Variants in ADAMTS18 observed in about 807,000 individuals in gnomAD.
The protein encoded by ADAMTS18 is A disintegrin and metalloproteinase with thrombospondin motifs 18.
ADAMTS18 carries 157 observed loss-of-function variants against 165.9 expected under a neutral mutation model. The observed-to-expected ratio is 0.95, with a 90% CI of 0.83 to 1.08. The LOEUF (loss-of-function observed/expected upper bound fraction) is 1.08, where lower values mean the gene tolerates loss of function less well. Among genes scored for constraint, ADAMTS18 ranks in the 50% least tolerant of loss-of-function variants. The pLI, the probability that ADAMTS18 is intolerant of heterozygous loss-of-function variation, is 0.00. For synonymous variants in ADAMTS18, 782 were observed against 578.2 expected (o/e 1.35, Z -5.06); for missense variants, 2,040 against 1,534.0 (o/e 1.33, Z -5.51).
At chr16:77,426,436 C>G (rs1323324741) in intron 3 of ADAMTS18, among the ~76,000 whole-genome samples, 1 of 152,136 alleles carries the variant, frequency 6.6e-6, no homozygotes. Context: ...ACATTTCTGA[C>G]TTGTCAATAT....
Position 77,285,967 on chromosome 16 carries a change from A to C in ADAMTS18, c.3551-1896T>G, listed in dbSNP as rs552439643. Among the ~76,000 whole-genome samples, 12 of 152,256 alleles carry C rather than the reference A, an allele frequency of 7.9e-5. No individual in the cohort carries two copies. In the South Asian group the frequency reaches 2.5e-3, roughly 32 times the overall value. The stretch of plus-strand genomic sequence containing the variant: ...CTGCCAGTAATCTTCCTAAAGCTAG[A>C]TCCTATTGCTCTTCTCTTCTGCTCA... On this transcript the variant is annotated intron_variant, in intron 22 of 22. Coordinates refer to ENST00000282849, the MANE Select transcript of ADAMTS18 (RefSeq NM_199355.4).
intron 15 of ADAMTS18, 40 bp from the exon 16 acceptor site, chr16:77,320,133 T>G (rs745421518): frequency 1.2e-6 from 2 of 1,613,270 alleles, no homozygotes; most frequent in Non-Finnish European, 1.7e-6. Context: ...TTCCACCCCA[T>G]GCATTGGAGA....
At chr16:77,375,116 C>G (rs1299101725) in intron 3 of ADAMTS18, among the ~76,000 whole-genome samples, 1 of 152,020 alleles carries the variant, frequency 6.6e-6, no homozygotes, top group Non-Finnish European at 1.5e-5. Flanking sequence ...TCTCCCGTGG[C>G]CTCCAATTCA....
At chr16:77,295,608 G>C (rs766076510) in intron 18 of ADAMTS18, among the ~76,000 whole-genome samples, 1 of 152,208 alleles carries the variant, frequency 6.6e-6, no homozygotes, top group Non-Finnish European at 1.5e-5. Flanking sequence ...TCATGGAACA[G>C]TCATCAATGA....
chr16:77,362,662 G>A (rs551056472), intron 6 of ADAMTS18, among the ~76,000 whole-genome samples: 20 of 150,414 alleles, frequency 1.3e-4, no homozygotes, highest in African/African-American at 2.7e-4. Context: ...CCAGCAAAGC[G>A]TCTGGCACAT....
intron 13 of ADAMTS18, among the ~76,000 whole-genome samples, chr16:77,325,426 T>A (rs899031710): frequency 3.9e-5 from 6 of 152,130 alleles, no homozygotes; most frequent in Non-Finnish European, 8.8e-5. Flanking sequence ...TCTGCGTGCA[T>A]GCACACACTC....
intron 3 of ADAMTS18, among the ~76,000 whole-genome samples, chr16:77,399,551 T>C (rs941254842): frequency 2.0e-5 from 3 of 152,222 alleles, no homozygotes; most frequent in African/African-American, 7.2e-5. Flanking sequence ...GAGACTCTAC[T>C]ACTACTTGCT....
In ADAMTS18 at chr16:77,338,106, G is replaced by A. The variant is rs559902853; in HGVS notation, c.1711-2202C>T. On this transcript the variant is annotated intron_variant, in intron 11 of 22. Coordinates refer to ENST00000282849, the MANE Select transcript of ADAMTS18 (RefSeq NM_199355.4). ...TTTAGCAGAGACAGGGTTTCACCAC[G>A]TTGGCCAGGCTGGTCTTGAACTCCT... is the stretch of plus-strand genomic sequence containing the variant. Among the ~76,000 whole-genome samples the A allele has an allele frequency of 1.1e-4, 16 of 152,120 alleles. No individual in the cohort carries two copies. The East Asian group carries it at 2.1e-3, about 20-fold the overall frequency.
chr16:77,362,298 T>A, intron 6 of ADAMTS18, 34 bp from the exon 7 acceptor site: 5 of 1,612,624 alleles, frequency 3.1e-6, no homozygotes, highest in South Asian at 1.1e-5. Flanking sequence ...AAGTGTGAAT[T>A]TGTCACAGAG....
chr16:77,433,034 A>G lies in ADAMTS18; in HGVS notation c.178+1384T>C, dbSNP rs976252915. Among the ~76,000 whole-genome samples, 8 of 152,120 alleles carry G rather than the reference A, an allele frequency of 5.3e-5. No individual in the cohort carries two copies. In the South Asian group the frequency reaches 8.3e-4, roughly 16 times the overall value. ...ATACATATTTTACAATAATGGGGGGAAAAGTTTTTCCCCTCTCTTAACCTT... is the reference window on the plus strand; with the variant it reads ...ATACATATTTTACAATAATGGGGGGGAAAGTTTTTCCCCTCTCTTAACCTT... On this transcript the variant is annotated intron_variant, in intron 2 of 22. Transcript: ENST00000282849.
At chr16:77,404,997 G>C (rs539749568) in intron 3 of ADAMTS18, among the ~76,000 whole-genome samples, 2 of 152,156 alleles carry the variant, frequency 1.3e-5, no homozygotes, top group African/African-American at 4.8e-5. Context: ...CAGAGCGGGG[G>C]AATGTTTTTA....
chr16:77,327,952 CT>C (rs1343400209), intron 12 of ADAMTS18, among the ~76,000 whole-genome samples: 1 of 152,128 alleles, frequency 6.6e-6, no homozygotes, highest in Non-Finnish European at 1.5e-5. Context: ...TATAATATGA[CT>C]GTTGTGTGTT....
chr16:77,364,516 A>G (rs983633949), intron 4 of ADAMTS18, 135 bp from the exon 5 acceptor site: 3 of 956,270 alleles, frequency 3.1e-6, no homozygotes, highest in Admixed American at 2.3e-5. Context: ...AAGTGATGCT[A>G]TCAGTGCCTG....
At chr16:77,390,365 C>A (rs975442471) in intron 3 of ADAMTS18, among the ~76,000 whole-genome samples, 20 of 137,338 alleles carry the variant, frequency 1.5e-4, no homozygotes, top group African/African-American at 5.4e-4. Context: ...CAGAGAAGAG[C>A]CATTGGTCTC....
chr16:77,294,742 G>A (rs12933721), intron 19 of ADAMTS18, among the ~76,000 whole-genome samples, 181 bp downstream of exon 19: 16,363 of 152,140 alleles, frequency 0.11, 1,217 homozygotes, highest in Admixed American at 0.22. Flanking sequence ...TCTGGGAGAG[G>A]GGTGCCAAAA....
chr16:77,358,384 A>G (rs1157033909), intron 8 of ADAMTS18, among the ~76,000 whole-genome samples: 1 of 152,190 alleles, frequency 6.6e-6, no homozygotes, highest in Admixed American at 6.5e-5. Context: ...CAACATGGTG[A>G]AACCTCATCT....
rs2055174265 is a variant in ADAMTS18, at chr16:77,282,904, CTCTTTTTT to C, written c.*1044_*1051del. On this transcript the variant is annotated 3_prime_UTR_variant, in exon 23 of 23. Coordinates refer to ENST00000282849, the MANE Select transcript of ADAMTS18 (RefSeq NM_199355.4). ...TACCACTGTTTACTCCTTTCTTTCT[CTCTTTTTT>C]TTTTTTTTTTTTTTGCTGTTAGCTC... The C allele has an allele frequency of 1.3e-5, 1 of 77,760 alleles. No homozygotes were observed. Among genetic ancestry groups the C allele is most frequent in the Non-Finnish European group, 2.7e-5 (1 of 36,970 alleles). The allele number at this position is 77,760 out of a possible 1,614,324, so 4.8% of individuals were successfully genotyped here. A position where few individuals can be genotyped will look rare whatever the true frequency, so the allele number is the denominator to read the frequency against.
At chr16:77,289,009 C>T (rs945858840) in intron 22 of ADAMTS18, among the ~76,000 whole-genome samples, 10 of 152,104 alleles carry the variant, frequency 6.6e-5, no homozygotes, top group African/African-American at 1.2e-4. Flanking sequence ...GGCATGAACC[C>T]GGGAGGCAGA....
chr16:77,392,519 A>T (rs1461105914), intron 3 of ADAMTS18, among the ~76,000 whole-genome samples: 3 of 151,774 alleles, frequency 2.0e-5, no homozygotes, highest in African/African-American at 4.8e-5. Context: ...TGAAATCTCC[A>T]CCCCATCACT....
Sources: gnomAD v4.1 joint callset for allele counts (sites outside exome capture counted in the v4.1 genomes callset) on GRCh38, gnomAD v4.1.1 for gene constraint, MANE v1.5 for transcripts, NCBI Gene and HGNC (gene_info 2026-07-23, HGNC 2026-07-21) for gene names.